Variants in ANK2 observed in about 807,000 individuals in gnomAD.
ANK2 encodes ankyrin 2, also known as ankyrin-2.
Under a neutral mutation model 360.5 loss-of-function variants are expected in ANK2, and 83 were observed. The observed-to-expected ratio is 0.23, with a 90% CI of 0.19 to 0.28. The LOEUF (loss-of-function observed/expected upper bound fraction) is 0.28, where lower values mean the gene tolerates loss of function less well. Ranked by LOEUF, ANK2 falls within the 10% of genes least tolerant of loss-of-function variation. The pLI is 1.00. For synonymous variants in ANK2, 1,740 were observed against 1,759.5 expected (o/e 0.99, Z 0.28); for missense variants, 4,201 against 4,795.7 (o/e 0.88, Z 3.66).
At chr4:112,854,763 C>T (rs2065918985) in intron 1 of ANK2, among the ~76,000 whole-genome samples, 1 of 152,060 alleles carries the variant, frequency 6.6e-6, no homozygotes, top group South Asian at 2.1e-4. Context: ...TATGTAGTTT[C>T]AGGGTTTGGC....
intron 2 of ANK2, among the ~76,000 whole-genome samples, chr4:112,924,454 T>G (rs1186916179): frequency 6.6e-6 from 1 of 152,010 alleles, no homozygotes; most frequent in African/African-American, 2.4e-5. Flanking sequence ...AGATAACCAG[T>G]GCATATTCTG....
At chr4:112,950,372 C>CGGTG (rs2094862856) in intron 2 of ANK2, among the ~76,000 whole-genome samples, 1 of 152,128 alleles carries the variant, frequency 6.6e-6, no homozygotes, top group Non-Finnish European at 1.5e-5. Flanking sequence ...AGGCTGGGTG[C>CGGTG]GGTGGCTCAC....
At chr4:113,085,741 C>T (rs1266193917) in intron 1 of ANK2, among the ~76,000 whole-genome samples, 1 of 152,140 alleles carries the variant, frequency 6.6e-6, no homozygotes, top group East Asian at 1.9e-4. Flanking sequence ...TGTGAGGAAC[C>T]TGGCTGGGAA....
At chr4:113,335,672 T>G (rs1374338417) in intron 29 of ANK2, among the ~76,000 whole-genome samples, 174 bp from the exon 30 acceptor site, 1 of 152,190 alleles carries the variant, frequency 6.6e-6, no homozygotes, top group Non-Finnish European at 1.5e-5. Flanking sequence ...TTGCAATTTT[T>G]TGTTTTCTGG....
At chr4:113,311,079 G>A (rs1308040234) in intron 23 of ANK2, among the ~76,000 whole-genome samples, 176 bp from the exon 24 acceptor site, 1 of 152,166 alleles carries the variant, frequency 6.6e-6, no homozygotes, top group Non-Finnish European at 1.5e-5. Context: ...ATCAAATGTT[G>A]TTTCTCTAAG....
chr4:113,049,834 T>C (rs1373406346), intron 1 of ANK2, 22 bp downstream of exon 1: 9 of 1,612,694 alleles, frequency 5.6e-6, no homozygotes. Flanking sequence ...GAATTAGGAA[T>C]GTCTGTGTAT....
At chr4:113,047,188 T>A (rs1433793483), upstream of ANK2, among the ~76,000 whole-genome samples, 1 of 152,194 alleles carries the variant, frequency 6.6e-6, no homozygotes, top group Non-Finnish European at 1.5e-5. Context: ...TATTCTTCCT[T>A]CAGGTAATTG....
chr4:113,359,285 A>G lies in ANK2; in HGVS notation c.10667A>G (p.His3556Arg). 1.9e-6 allele frequency: 3 copies of G among 1,613,894 alleles called. No individual in the cohort carries two copies. Among genetic ancestry groups the G allele is most frequent in the Non-Finnish European group, 8.5e-7 (1 of 1,179,882 alleles). The change falls in exon 38 of 46, where the codon CAT becomes CGT. Residue 3556 changes from histidine (H) to arginine (R), a missense_variant. Around this residue, in one of 4 missense-constraint regions of ANK2, gnomAD observed 2,642 missense variants for 2,714.5 expected, o/e 0.97. Coordinates refer to ENST00000357077, the MANE Select transcript of ANK2 (RefSeq NM_001148.6). ...LIERIPDENG[H>R]DHAEDPQDEQ... ...GAACGCATCCCTGATGAAAATGGCC[A>G]TGACCATGCTGAAGGTATTTGCCAG...
the ANK2 span, chr4:112,788,908 A>T: frequency 3.1e-6 from 2 of 655,464 alleles, no homozygotes; most frequent in Non-Finnish European, 5.3e-6. Flanking sequence ...GAGTTTTTTT[A>T]ATTATTAATA....
At chr4:112,822,604 G>C (rs1446817431) in intron 1 of ANK2, among the ~76,000 whole-genome samples, 1 of 151,644 alleles carries the variant, frequency 6.6e-6, no homozygotes, top group Non-Finnish European at 1.5e-5. Flanking sequence ...AAATTAGCTG[G>C]GGGTGGTGGC....
intron 1 of ANK2, among the ~76,000 whole-genome samples, chr4:112,828,966 C>T (rs1302101415): frequency 6.6e-6 from 1 of 152,030 alleles, no homozygotes; most frequent in Non-Finnish European, 1.5e-5. Context: ...ACAGGCTGGC[C>T]AATGTGGTGA....
chr4:113,231,793 G>A (rs2099310955), intron 4 of ANK2, among the ~76,000 whole-genome samples: 1 of 151,804 alleles, frequency 6.6e-6, no homozygotes, highest in Non-Finnish European at 1.5e-5. Context: ...TAGTAGAGAT[G>A]CGGTTTCACC....
the ANK2 span, among the ~76,000 whole-genome samples, chr4:112,758,076 TA>T: frequency 4.6e-5 from 3 of 65,106 alleles, no homozygotes; most frequent in South Asian, 5.0e-4. Flanking sequence ...GCTAATTTTG[TA>T]TTTTTTTTTT....
chr4:113,364,078 A>G (rs1401881528), intron 40 of ANK2, among the ~76,000 whole-genome samples: 7 of 152,178 alleles, frequency 4.6e-5, no homozygotes, highest in Admixed American at 4.6e-4. Flanking sequence ...TATGAATGGC[A>G]TGGTGGGAGG....
intron 2 of ANK2, among the ~76,000 whole-genome samples, chr4:113,189,561 C>T (rs1220526483): frequency 4.6e-5 from 7 of 152,142 alleles, no homozygotes; most frequent in Non-Finnish European, 1.0e-4. Context: ...AATTTGAAAA[C>T]TCTGTATCAT....
chr4:113,101,676 AT>A (rs1470994541), intron 1 of ANK2, among the ~76,000 whole-genome samples: 2 of 152,128 alleles, frequency 1.3e-5, no homozygotes, highest in Non-Finnish European at 2.9e-5. Context: ...AGAAAAAAAA[AT>A]TCAACAAATA....
chr4:113,185,818 T>A (rs1357274493), intron 2 of ANK2, among the ~76,000 whole-genome samples: 1 of 152,256 alleles, frequency 6.6e-6, no homozygotes, highest in Non-Finnish European at 1.5e-5. Flanking sequence ...GCCTAGGTTT[T>A]CTTCTAGGGT....
chr4:113,168,572 C>G (rs1009778433), intron 1 of ANK2, among the ~76,000 whole-genome samples: 2 of 152,144 alleles, frequency 1.3e-5, no homozygotes, highest in African/African-American at 4.8e-5. Context: ...TGTAGGTTAA[C>G]CTGCATGTTT....
intron 21 of ANK2, chr4:113,293,092 T>C (rs1587426637): frequency 5.1e-6 from 2 of 391,502 alleles, no homozygotes; most frequent in Non-Finnish European, 9.8e-6. Context: ...GGGATAAGTG[T>C]ACCTGGTACT....
Sources: allele counts gnomAD v4.1 joint callset (sites outside exome capture counted in the v4.1 genomes callset), GRCh38; gene constraint gnomAD v4.1.1; regional missense constraint gnomAD v4.1.1; transcripts MANE v1.5; gene names NCBI Gene and HGNC (gene_info 2026-07-23, HGNC 2026-07-21).